The following SIRPA variants were observed in gnomAD, a reference collection of about 807,000 sequenced individuals.
SIRPA encodes signal regulatory protein alpha.
A neutral mutation model predicts 50.3 loss-of-function variants in SIRPA; 9 were observed. The observed-to-expected ratio is 0.18, with a 90% CI of 0.11 to 0.31. The LOEUF (loss-of-function observed/expected upper bound fraction) is 0.31, where lower values mean the gene tolerates loss of function less well. Among genes scored for constraint, SIRPA ranks in the 10% least tolerant of loss-of-function variants. The probability of loss-of-function intolerance (pLI) is 1.00; values close to 1 mark genes in which losing one functional copy is unlikely to be tolerated. For missense variants in SIRPA, 474 were observed against 661.6 expected (o/e 0.72, Z 3.11); for synonymous variants, 265 against 284.1 (o/e 0.93, Z 0.68).
At chr20:1,900,091 CT>C (rs1293410630) in intron 1 of SIRPA, among the ~76,000 whole-genome samples, 3,605 of 138,640 alleles carry the variant, frequency 0.026, 56 homozygotes, top group Non-Finnish European at 0.033. Flanking sequence ...TTCCTTGTAG[CT>C]TTTTTTTTTT....
chr20:1,899,195 A>G (rs1476921979), intron 1 of SIRPA, among the ~76,000 whole-genome samples: 1 of 150,992 alleles, frequency 6.6e-6, no homozygotes, highest in East Asian at 1.9e-4. Flanking sequence ...GAGTGGGTCC[A>G]AGTTTTCTTT....
intron 1 of SIRPA, among the ~76,000 whole-genome samples, chr20:1,904,979 C>T (rs149849647): frequency 6.6e-6 from 1 of 152,292 alleles, no homozygotes; most frequent in East Asian, 1.9e-4. Flanking sequence ...CTTCCCAGCT[C>T]TGAGCCTCCG....
rs180956747 is a variant in SIRPA, at chr20:1,909,169, C to G, written c.80-5930C>G. On this transcript the variant is annotated intron_variant, in intron 1 of 7. Transcript: ENST00000358771. Reference sequence around the variant, plus strand: ...TTGAGCCCTGTGTACTGCCAGAGCTCCAGCCATAGCCTCCCAGACCCTGGG... The same window carrying G: ...TTGAGCCCTGTGTACTGCCAGAGCTGCAGCCATAGCCTCCCAGACCCTGGG... Among the ~76,000 whole-genome samples, 9 of 152,362 alleles carry G rather than the reference C, an allele frequency of 5.9e-5. No individual in the cohort carries two copies. The East Asian group carries it at 1.7e-3, about 29-fold the overall frequency.
chr20:1,923,738 C>G lies in SIRPA; in HGVS notation c.1088-1026C>G, dbSNP rs552922765. ...ATTGGGAGACAGGATGTGTGGCTTT[C>G]CACGCCAGCTATGTTGCATACTTGG... On this transcript the variant is annotated intron_variant, in intron 4 of 7. Coordinates refer to ENST00000358771, the MANE Select transcript of SIRPA (RefSeq NM_001040023.2). Among the ~76,000 whole-genome samples, 5 of 152,322 alleles carry G rather than the reference C, an allele frequency of 3.3e-5. No individual in the cohort carries two copies. In the South Asian group the frequency reaches 1.0e-3, roughly 32 times the overall value.
chr20:1,924,940 C>A lies in SIRPA; in HGVS notation c.1201+63C>A. On this transcript the variant is annotated intron_variant, in intron 5 of 7. Transcript: ENST00000358771. The surrounding 1 kb of genome is among the most constrained non-coding windows in gnomAD (Gnocchi z 4.5). The stretch of plus-strand genomic sequence containing the variant: ...CCTGGACTGTCCTCGGAGGGAGACG[C>A]CATTAGGTGCTTTGGGTTAAGGACA... 7.7e-7 allele frequency: 1 copy of A among 1,306,804 alleles called. No homozygotes were observed. The highest frequency in any genetic ancestry group is 1.1e-6 in the Non-Finnish European group (1 of 906,560). The allele number at this position is 1,306,804 out of a possible 1,614,324, so 81.0% of individuals were successfully genotyped here. A position where few individuals can be genotyped will look rare whatever the true frequency, so the allele number is the denominator to read the frequency against.
Position 1,921,541 on chromosome 20 carries a change from C to G in SIRPA, c.583C>G (p.Gln195Glu). ...AAATGGGAATGAGCTCTCAGACTTC[C>G]AGACCAACGTGGACCCCGTAGGAGA... ...FKNGNELSDFQTNVDPVGESV... is the reference protein window; with the variant it reads ...FKNGNELSDFETNVDPVGESV... Residue 195 changes from glutamine to glutamate, a missense_variant, in exon 3 of 8, where the codon CAG (glutamine) becomes GAG (glutamate). Physicochemically the swap from Gln to Glu is conservative, Grantham distance 29. This residue lies in a region of SIRPA where 221 missense variants were observed against 359.9 expected (regional missense o/e 0.61). Coordinates refer to ENST00000358771, the MANE Select transcript of SIRPA (RefSeq NM_001040023.2). The G allele has an allele frequency of 6.2e-7, 1 of 1,614,216 alleles. No individual in the cohort carries two copies. Among genetic ancestry groups the G allele is most frequent in the Non-Finnish European group, 8.5e-7 (1 of 1,180,038 alleles).
upstream of SIRPA, chr20:1,894,339 G>A (rs1983626791): frequency 6.6e-6 from 1 of 151,598 alleles, no homozygotes; most frequent in Admixed American, 6.6e-5. This position sits in a 1 kb window ranked among gnomAD's most constrained non-coding sequence, Gnocchi z 4.0. Flanking sequence ...CGCGCGGCCG[G>A]AGTCCGGAGG....
At position 1,937,477 on chromosome 20, in the gene SIRPA, T is replaced by G. The variant is rs201731716; in HGVS notation, c.1424T>G (p.Met475Arg). 3 of 1,614,098 alleles carry G rather than the reference T, an allele frequency of 1.9e-6. No homozygotes were observed. In the East Asian group the frequency reaches 6.7e-5, roughly 36 times the overall value. Reference protein sequence around the residue: ...EDTLTYADLDMVHLNRTPKQP... With the variant: ...EDTLTYADLDRVHLNRTPKQP... ...ACCCTCACCTATGCTGACCTGGACA[T>G]GGTCCACCTCAACCGGACCCCCAAG... Residue 475 changes from methionine (M) to arginine (R), a missense_variant, in exon 8 of 8, where the codon ATG becomes AGG. This residue lies in a region of SIRPA where 180 missense variants were observed against 206.7 expected (regional missense o/e 0.87). Transcript: ENST00000358771. This position sits in a 1 kb window ranked among gnomAD's most constrained non-coding sequence, Gnocchi z 8.3.
At chr20:1,905,571 T>G (rs1055558332) in intron 1 of SIRPA, among the ~76,000 whole-genome samples, 4 of 152,166 alleles carry the variant, frequency 2.6e-5, no homozygotes, top group African/African-American at 7.2e-5. Context: ...GCCTGGAGAT[T>G]GGGAGGACCT....
chr20:1,920,487 T>C (rs1448643594), intron 2 of SIRPA, among the ~76,000 whole-genome samples: 3 of 152,198 alleles, frequency 2.0e-5, no homozygotes, highest in African/African-American at 7.2e-5. Context: ...CAGCCATGTG[T>C]GTGCTTTCAG....
At chr20:1,903,903 T>C (rs2024868) in intron 1 of SIRPA, among the ~76,000 whole-genome samples, 105,374 of 151,544 alleles carry the variant, frequency 0.7, 37,761 homozygotes, top group African/African-American at 0.88. Context: ...CCCTGTCTCC[T>C]CCACTAGGAT....
chr20:1,939,882 T>A lies in SIRPA; in HGVS notation c.*2314T>A, dbSNP rs1245258932. 4.6e-5 allele frequency: 7 copies of A among 152,682 alleles called. No individual in the cohort carries two copies. Among genetic ancestry groups the A allele is most frequent in the Admixed American group, 3.9e-4 (6 of 15,292 alleles). The allele number at this position is 152,682 out of a possible 1,614,324, so 9.5% of individuals were successfully genotyped here. A position where few individuals can be genotyped will look rare whatever the true frequency, so the allele number is the denominator to read the frequency against. On this transcript the variant is annotated 3_prime_UTR_variant, in exon 8 of 8. Transcript: ENST00000358771. The surrounding 1 kb of genome is among the most constrained non-coding windows in gnomAD (Gnocchi z 4.7). ...AAAATATTTTTGTAATAAAGATTTC[T>A]GGGTAATAATGAGTCCTTCCGGTGT...
intron 1 of SIRPA, among the ~76,000 whole-genome samples, chr20:1,914,236 G>A (rs199607097): frequency 9.9e-5 from 15 of 152,136 alleles, no homozygotes; most frequent in African/African-American, 2.9e-4. Context: ...TACCCATCCT[G>A]TAGATAAGAA....
chr20:1,913,859 C>T (rs1314806969), intron 1 of SIRPA, among the ~76,000 whole-genome samples: 1 of 152,194 alleles, frequency 6.6e-6, no homozygotes, highest in Non-Finnish European at 1.5e-5. Flanking sequence ...TCGTCCTGCC[C>T]TCTTCCTGTC....
At chr20:1,921,337 T>G (rs932914151) in intron 2 of SIRPA, 58 bp from the exon 3 acceptor site, 8 of 1,609,562 alleles carry the variant, frequency 5.0e-6, no homozygotes, top group Non-Finnish European at 6.8e-6. Context: ...GTCACACACT[T>G]ATCGTTAGTG....
At chr20:1,929,794 T>A (rs56901296) in intron 6 of SIRPA, among the ~76,000 whole-genome samples, 17,398 of 152,104 alleles carry the variant, frequency 0.11, 1,829 homozygotes, top group African/African-American at 0.27. Context: ...CACACCTAGG[T>A]CACTCTTCCA....
rs1454284998 is a variant in SIRPA at position 1,909,355 on chromosome 20, A to G, written c.80-5744A>G. Among the ~76,000 whole-genome samples, 4 of 152,208 alleles carry G rather than the reference A, an allele frequency of 2.6e-5. No homozygotes were observed. The South Asian group carries it at 6.2e-4, about 24-fold the overall frequency. On this transcript the variant is annotated intron_variant, in intron 1 of 7. Coordinates refer to ENST00000358771, the MANE Select transcript of SIRPA (RefSeq NM_001040023.2). ...CCTGGGCAAGGCTGGTTCTTGGGAA[A>G]TGTGCCTGTTGGCTTCCTTCTCCCC...
intron 1 of SIRPA, among the ~76,000 whole-genome samples, chr20:1,913,879 C>G (rs1346043031): frequency 1.3e-5 from 2 of 152,144 alleles, no homozygotes; most frequent in Non-Finnish European, 2.9e-5. Context: ...CTGGGCTCCC[C>G]CCGTGCACCC....
chr20:1,916,377 C>T (rs903304312), intron 2 of SIRPA, among the ~76,000 whole-genome samples: 1 of 152,162 alleles, frequency 6.6e-6, no homozygotes, highest in Non-Finnish European at 1.5e-5. Flanking sequence ...CAGTCATAGG[C>T]CCAGTTAGTG....
Sources: gnomAD v4.1 joint callset for allele counts (sites outside exome capture counted in the v4.1 genomes callset) on GRCh38, gnomAD v4.1.1 for gene constraint, gnomAD v4.1.1 regional missense constraint, Gnocchi (gnomAD v3.1) non-coding constraint, MANE v1.5 for transcripts, NCBI Gene and HGNC (gene_info 2026-07-23, HGNC 2026-07-21) for gene names.